The following TMEM132C variants were observed in gnomAD, a reference collection of about 807,000 sequenced individuals.
TMEM132C encodes the protein protein phosphatase 1, regulatory subunit 152.
In TMEM132C, 29 loss-of-function variants were observed where a neutral mutation model predicts 61.4. The observed-to-expected ratio is 0.47, with a 90% confidence interval of 0.35 to 0.64. The LOEUF (loss-of-function observed/expected upper bound fraction) is 0.64, where lower values mean the gene tolerates loss of function less well. TMEM132C is among the 30% of genes least tolerant of loss of function. TMEM132C has a pLI of 0.00. For missense variants in TMEM132C, 1,408 were observed against 1,476.9 expected (o/e 0.95, Z 0.76); for synonymous variants, 656 against 633.1 (o/e 1.04, Z -0.54).
rs1352311887 is a variant in TMEM132C at position 128,538,701 on chromosome 12, A to G, written c.975-5256A>G. On this transcript the variant is annotated intron_variant, in intron 2 of 8. Coordinates refer to ENST00000435159, the MANE Select transcript of TMEM132C (RefSeq NM_001136103.3). ...CTCACCTGGTATTTATAGGCATATC[A>G]CCGAGTAACGCACTGATGTTGACAC... Among the ~76,000 whole-genome samples the G allele has an allele frequency of 5.3e-5, 8 of 152,204 alleles. 1 individual carries two copies. In the South Asian group the frequency reaches 1.7e-3, roughly 31 times the overall value.
intron 1 of TMEM132C, among the ~76,000 whole-genome samples, chr12:128,390,628 G>A (rs1245586927): frequency 6.6e-6 from 1 of 152,164 alleles, no homozygotes; most frequent in African/African-American, 2.4e-5. Context: ...GTATGCACAA[G>A]CTCCACGGAT....
chr12:128,329,701 A>T (rs1366866062), intron 1 of TMEM132C, among the ~76,000 whole-genome samples: 2 of 152,110 alleles, frequency 1.3e-5, no homozygotes, highest in Non-Finnish European at 2.9e-5. Flanking sequence ...TGCCTTGGCT[A>T]GTCAGCTTTG....
In TMEM132C at chr12:128,706,088, G is replaced by A; in HGVS notation, c.3120G>A (p.Lys1040=). 1.3e-6 allele frequency: 2 copies of A among 1,551,614 alleles called. No homozygotes were observed. Among genetic ancestry groups the A allele is most frequent in the Non-Finnish European group, 1.7e-6 (2 of 1,146,910 alleles). Residue 1040 remains lysine, a synonymous_variant, in exon 9 of 9, where the codon AAG becomes AAA. Coordinates refer to ENST00000435159, the MANE Select transcript of TMEM132C (RefSeq NM_001136103.3). Reference sequence around the variant, plus strand: ...GGGGGCGGCAGGGCAGAGAACAGAAGCAGGACCCCCTGCACTCGCCCACCT... The same window carrying A: ...GGGGGCGGCAGGGCAGAGAACAGAAACAGGACCCCCTGCACTCGCCCACCT... ...DSGGRQGREQ[K]QDPLHSPTSK... is the part of the protein sequence containing the mutation.
At chr12:128,355,341 G>A (rs948758014) in intron 1 of TMEM132C, among the ~76,000 whole-genome samples, 8 of 152,106 alleles carry the variant, frequency 5.3e-5, no homozygotes, top group African/African-American at 1.9e-4. Context: ...TCCCTCTGGG[G>A]CTGCCATCTG....
intron 2 of TMEM132C, among the ~76,000 whole-genome samples, chr12:128,443,907 C>A (rs1047712644): frequency 1.3e-5 from 2 of 152,200 alleles, no homozygotes; most frequent in Non-Finnish European, 2.9e-5. Flanking sequence ...GTTCCCCTTT[C>A]TTCAAGCCAG....
intron 4 of TMEM132C, among the ~76,000 whole-genome samples, chr12:128,663,713 G>GTGTGTC (rs63401264): frequency 6.6e-6 from 1 of 151,928 alleles, no homozygotes; most frequent in African/African-American, 2.4e-5. Flanking sequence ...ATGCGTGTGT[G>GTGTGTC]TATGTGTGTG....
At chr12:128,527,665 G>A (rs969939524) in intron 2 of TMEM132C, among the ~76,000 whole-genome samples, 9 of 151,968 alleles carry the variant, frequency 5.9e-5, no homozygotes, top group African/African-American at 2.2e-4. Context: ...TAGCAGTGGG[G>A]TGTTTGTGTA....
chr12:128,572,785 T>C (rs1168575393), intron 3 of TMEM132C, among the ~76,000 whole-genome samples: 3 of 152,108 alleles, frequency 2.0e-5, no homozygotes, highest in East Asian at 1.9e-4. Flanking sequence ...TGGCCTCCGA[T>C]TGGCCAGGCC....
chr12:128,550,229 G>A (rs1057219467), intron 3 of TMEM132C, among the ~76,000 whole-genome samples: 3 of 152,034 alleles, frequency 2.0e-5, no homozygotes, highest in Admixed American at 1.3e-4. Context: ...CTTGCAGTTC[G>A]CCACCCTCTC....
rs143192335 is a variant in TMEM132C, at chr12:128,419,219, A to G, written c.974+3599A>G. On this transcript the variant is annotated intron_variant, in intron 2 of 8. Coordinates refer to ENST00000435159, the MANE Select transcript of TMEM132C (RefSeq NM_001136103.3). ...TTCTTTCTGAATCTGGTATTTGTCA[A>G]GAAACCAATAGGTATTTGGGCACCG... 5.4e-3 allele frequency among the ~76,000 whole-genome samples: 827 copies of G among 152,368 alleles called. 15 individuals carry two copies. Among genetic ancestry groups the G allele is most frequent in the Admixed American group, 0.039 (594 of 15,300 alleles).
chr12:128,562,007 G>C (rs1487658644), intron 3 of TMEM132C, among the ~76,000 whole-genome samples: 2 of 152,132 alleles, frequency 1.3e-5, no homozygotes, highest in Non-Finnish European at 2.9e-5. Context: ...AGTGATCCAG[G>C]AAGATACCGT....
intron 4 of TMEM132C, among the ~76,000 whole-genome samples, chr12:128,643,515 A>G (rs1056751175): frequency 2.0e-5 from 3 of 151,994 alleles, no homozygotes; most frequent in African/African-American, 4.8e-5. Flanking sequence ...GGCAAGTCAC[A>G]TGCTCAGCTG....
chr12:128,336,988 T>C (rs889302092), intron 1 of TMEM132C, among the ~76,000 whole-genome samples: 1 of 152,192 alleles, frequency 6.6e-6, no homozygotes, highest in African/African-American at 2.4e-5. Context: ...CATTTTGGCC[T>C]CCTTCCAAGT....
chr12:128,622,360 A>ATATATATATATAT (rs1555237029), intron 4 of TMEM132C, among the ~76,000 whole-genome samples: 1 of 30,126 alleles, frequency 3.3e-5, no homozygotes, highest in African/African-American at 1.6e-4. Flanking sequence ...AAAAAAAAAA[A>ATATATATATATAT]ATATATATAT....
At chr12:128,333,250 T>C (rs565285163) in intron 1 of TMEM132C, among the ~76,000 whole-genome samples, 3 of 151,604 alleles carry the variant, frequency 2.0e-5, no homozygotes, top group Middle Eastern at 6.9e-3. Flanking sequence ...TGTGACCATA[T>C]GCGTGTTGCA....
chr12:128,422,845 C>T (rs1017065967), intron 2 of TMEM132C, among the ~76,000 whole-genome samples: 10 of 152,208 alleles, frequency 6.6e-5, no homozygotes, highest in African/African-American at 2.2e-4. Flanking sequence ...TGTCTCCAGA[C>T]ATTGCTAAGT....
chr12:128,694,050 G>A lies in TMEM132C; in HGVS notation c.1655+16G>A. 1.3e-6 allele frequency: 2 copies of A among 1,550,902 alleles called. No homozygotes were observed. ...CCAATAAGAGGTGAGCCTCGGATGG[G>A]GAGATGCCCTAGAGCCAAAACAACA... is the stretch of plus-strand genomic sequence containing the variant. On this transcript the variant is annotated intron_variant, in intron 6 of 8. Coordinates refer to ENST00000435159, the MANE Select transcript of TMEM132C (RefSeq NM_001136103.3).
chr12:128,428,113 G>A (rs992522804), intron 2 of TMEM132C, among the ~76,000 whole-genome samples: 2 of 152,114 alleles, frequency 1.3e-5, no homozygotes, highest in Admixed American at 1.3e-4. Context: ...TTCCTGATAC[G>A]CCATGCAATC....
chr12:128,660,681 T>G (rs978623692), intron 4 of TMEM132C, among the ~76,000 whole-genome samples: 1 of 152,252 alleles, frequency 6.6e-6, no homozygotes, highest in African/African-American at 2.4e-5. Flanking sequence ...AAGCCCCATT[T>G]GCCCATGTGC....
Sources: allele counts gnomAD v4.1 joint callset (sites outside exome capture counted in the v4.1 genomes callset), GRCh38; gene constraint gnomAD v4.1.1; transcripts MANE v1.5; gene names NCBI Gene and HGNC (gene_info 2026-07-23, HGNC 2026-07-21).